Variants in IFT56 observed in about 807,000 individuals in gnomAD.
The protein encoded by IFT56 is intraflagellar transport protein 56.
chr7:139,173,225 CTT>C, the IFT56 span: 11,111 of 290,270 alleles, frequency 0.038, no homozygotes, highest in South Asian at 0.056. Context: ...ACAAAGTCAC[CTT>C]TTTTTTTTTT....
the IFT56 span, among the ~76,000 whole-genome samples, chr7:139,174,957 G>A: frequency 6.6e-6 from 1 of 151,898 alleles, no homozygotes; most frequent in South Asian, 2.1e-4. Context: ...GGAGGCAGAG[G>A]TTGCAGTGAG....
At chr7:139,147,015 G>A in the IFT56 span, 1 of 1,536,508 alleles carries the variant, frequency 6.5e-7, no homozygotes, top group African/African-American at 1.4e-5. Flanking sequence ...AGAACCTAAG[G>A]GAAATAGGAA....
chr7:139,134,537 G>A, the IFT56 span: 1 of 1,156,910 alleles, frequency 8.6e-7, no homozygotes, highest in Admixed American at 2.8e-5. Flanking sequence ...CAAAGTGCTG[G>A]GATTACAGGC....
the IFT56 span, among the ~76,000 whole-genome samples, chr7:139,146,664 G>A: frequency 5.3e-5 from 8 of 151,974 alleles, no homozygotes; most frequent in Non-Finnish European, 1.2e-4. Flanking sequence ...GAACTTGGGA[G>A]GCTGAGGCTG....
the IFT56 span, among the ~76,000 whole-genome samples, chr7:139,185,582 C>CAA: frequency 2.0e-5 from 3 of 152,018 alleles, no homozygotes; most frequent in South Asian, 6.2e-4. Context: ...AAGCAGAACT[C>CAA]AATTATATTG....
At chr7:139,160,993 T>A in the IFT56 span, 2 of 1,613,946 alleles carry the variant, frequency 1.2e-6, no homozygotes, top group South Asian at 2.2e-5. Context: ...ATCCTTTGAA[T>A]TTGCTAAAGA....
the IFT56 span, among the ~76,000 whole-genome samples, chr7:139,168,187 C>A: frequency 2.6e-5 from 4 of 151,874 alleles, no homozygotes; most frequent in Non-Finnish European, 4.4e-5. Context: ...TGAGTGTCTC[C>A]TAATTCTTTT....
chr7:139,142,138 G>A, the IFT56 span: 13 of 1,015,664 alleles, frequency 1.3e-5, no homozygotes, highest in South Asian at 1.7e-4. Context: ...TTCTAGCAGA[G>A]ACATATTAGG....
At chr7:139,147,321 C>A in the IFT56 span, 1 of 1,553,266 alleles carries the variant, frequency 6.4e-7, no homozygotes, top group South Asian at 1.2e-5. Flanking sequence ...ACTCTCCATT[C>A]CTTTCATTTT....
At chr7:139,187,019 G>A in the IFT56 span, among the ~76,000 whole-genome samples, 6 of 150,426 alleles carry the variant, frequency 4.0e-5, no homozygotes, top group Non-Finnish European at 8.9e-5. Context: ...GCGTGAACCC[G>A]GGAAGCGGAG....
chr7:139,183,406 A>G, the IFT56 span, among the ~76,000 whole-genome samples: 1 of 152,194 alleles, frequency 6.6e-6, no homozygotes, highest in Non-Finnish European at 1.5e-5. Context: ...GAAGCCAAAT[A>G]CAGGTTTTCT....
At chr7:139,142,290 C>T in the IFT56 span, 1 of 1,613,906 alleles carries the variant, frequency 6.2e-7, no homozygotes, top group Non-Finnish European at 8.5e-7. Context: ...GCCTCCTCTT[C>T]CACTTGGCTC....
At chr7:139,163,672 A>G in the IFT56 span, among the ~76,000 whole-genome samples, 5 of 152,120 alleles carry the variant, frequency 3.3e-5, no homozygotes, top group Non-Finnish European at 7.4e-5. Context: ...TTTTCAAGAG[A>G]ACAAAAACCC....
chr7:139,134,005 G>A, the IFT56 span: 1 of 978,352 alleles, frequency 1.0e-6, no homozygotes, highest in Non-Finnish European at 1.6e-6. Flanking sequence ...GGGGGACAGG[G>A]ATGCAACTGT....
chr7:139,140,785 A>AG, the IFT56 span, among the ~76,000 whole-genome samples: 1 of 150,910 alleles, frequency 6.6e-6, no homozygotes, highest in Non-Finnish European at 1.5e-5. Flanking sequence ...CAAAAAAAAA[A>AG]AAAAAAAAAA....
chr7:139,172,807 T>G, the IFT56 span: 1 of 651,606 alleles, frequency 1.5e-6, no homozygotes, highest in Non-Finnish European at 3.0e-6. Flanking sequence ...CTCGTTCATT[T>G]CATTAGTTTT....
the IFT56 span, among the ~76,000 whole-genome samples, chr7:139,177,517 T>G: frequency 2.0e-5 from 3 of 152,136 alleles, no homozygotes; most frequent in Non-Finnish European, 2.9e-5. Context: ...ATTAGTGGCA[T>G]CAACTAATCC....
the IFT56 span, among the ~76,000 whole-genome samples, chr7:139,186,043 AAAG>A: frequency 1.3e-5 from 2 of 152,056 alleles, no homozygotes; most frequent in African/African-American, 4.8e-5. Context: ...TGTCAGGAAT[AAAG>A]AAGTAACTAA....
At chr7:139,184,024 C>G in the IFT56 span, among the ~76,000 whole-genome samples, 1 of 152,150 alleles carries the variant, frequency 6.6e-6, no homozygotes, top group African/African-American at 2.4e-5. Flanking sequence ...CTGCCTCTTC[C>G]CGTTGTGCCC....
Sources: allele counts gnomAD v4.1 joint callset (sites outside exome capture counted in the v4.1 genomes callset), GRCh38; gene constraint gnomAD v4.1.1; transcripts MANE v1.5; gene names NCBI Gene and HGNC (gene_info 2026-07-23, HGNC 2026-07-21).